CDKAL1: variants seen among roughly 807,000 people sequenced by gnomAD.
CDKAL1 encodes the protein threonylcarbamoyladenosine tRNA methylthiotransferase.
Under a neutral mutation model 68.2 loss-of-function variants are expected in CDKAL1, and 32 were observed. That is an observed-to-expected ratio of 0.47 (90% confidence interval 0.35 to 0.63). The LOEUF (loss-of-function observed/expected upper bound fraction) is 0.63, where lower values mean the gene tolerates loss of function less well. Ranked by LOEUF, CDKAL1 falls within the 30% of genes least tolerant of loss-of-function variation. The probability of loss-of-function intolerance (pLI) is 0.00; values close to 1 mark genes in which losing one functional copy is unlikely to be tolerated. For missense variants in CDKAL1, 606 were observed against 696.7 expected, an observed-to-expected ratio of 0.87 and a Z score of 1.47; for synonymous variants, 234 against 244.3, an observed-to-expected ratio of 0.96 and a Z score of 0.39.
At chr6:20,905,655 G>A (rs765481688) in intron 9 of CDKAL1, among the ~76,000 whole-genome samples, 9 of 151,838 alleles carry the variant, frequency 5.9e-5, no homozygotes, top group East Asian at 1.9e-4. Context: ...TCAAACTGTC[G>A]AAACAAAAAA....
At chr6:20,758,672 G>T in intron 7 of CDKAL1, 29 bp downstream of exon 7, 1 of 1,565,786 alleles carries the variant, frequency 6.4e-7, no homozygotes, top group Non-Finnish European at 8.7e-7. Flanking sequence ...ATAAACAGAT[G>T]TATATATTTT....
chr6:20,606,300 TGTTA>T (rs1337190554), intron 4 of CDKAL1, among the ~76,000 whole-genome samples: 9 of 152,196 alleles, frequency 5.9e-5, no homozygotes, highest in African/African-American at 1.7e-4. Context: ...GAGAGCCTGT[TGTTA>T]GTTATTTAGA....
chr6:21,042,093 C>A (rs1479039154), intron 11 of CDKAL1, among the ~76,000 whole-genome samples: 1 of 151,994 alleles, frequency 6.6e-6, no homozygotes, highest in East Asian at 1.9e-4. Flanking sequence ...CTATTTTTAT[C>A]CCTTTAAATG....
rs991095029 is a variant in CDKAL1, at chr6:20,631,935, G to A, written c.287-17358G>A. Among the ~76,000 whole-genome samples, 8 of 152,254 alleles carry A rather than the reference G, an allele frequency of 5.3e-5. No homozygotes were observed. The East Asian group carries it at 1.4e-3, about 26-fold the overall frequency. On this transcript the variant is annotated intron_variant, in intron 4 of 15. Transcript: ENST00000274695. ...AAATATAGCAACTGTAAACATTTTG[G>A]TGCATTTTCTTTTATTTTTTCTTTT...
intron 9 of CDKAL1, among the ~76,000 whole-genome samples, chr6:20,933,147 T>C (rs1763546801): frequency 1.3e-5 from 2 of 152,170 alleles, no homozygotes; most frequent in African/African-American, 2.4e-5. Context: ...CCATTAGCAG[T>C]GTAGCATGAA....
At chr6:21,157,605 G>A (rs140822558) in intron 13 of CDKAL1, among the ~76,000 whole-genome samples, 23 of 152,272 alleles carry the variant, frequency 1.5e-4, no homozygotes, top group African/African-American at 4.8e-4. Flanking sequence ...AAATCTTCAC[G>A]AATGAAAGCA....
chr6:20,995,464 G>A (rs1191305036), intron 10 of CDKAL1, among the ~76,000 whole-genome samples: 1 of 152,222 alleles, frequency 6.6e-6, no homozygotes, highest in African/African-American at 2.4e-5. Context: ...ACTGCAGAAT[G>A]GATGTTGTGT....
At chr6:20,810,613 TGTGTGTATGTATGG>T (rs1330207189) in intron 8 of CDKAL1, among the ~76,000 whole-genome samples, 1 of 130,480 alleles carries the variant, frequency 7.7e-6, no homozygotes. Flanking sequence ...AAAAAGATTA[TGTGTGTATGTATGG>T]GTGTGTGTGT....
chr6:20,830,399 G>A (rs183112942), intron 8 of CDKAL1, among the ~76,000 whole-genome samples: 21 of 152,224 alleles, frequency 1.4e-4, no homozygotes, highest in African/African-American at 5.1e-4. Flanking sequence ...AGTAACATGA[G>A]ATACTATTCA....
At chr6:20,802,586 A>G (rs1355994257) in intron 8 of CDKAL1, among the ~76,000 whole-genome samples, 1 of 152,176 alleles carries the variant, frequency 6.6e-6, no homozygotes, top group Non-Finnish European at 1.5e-5. Flanking sequence ...ACACACATAT[A>G]TAAGAACATA....
chr6:20,711,019 TAACCACTGCTTTCCTGGG>T (rs1771819446), intron 5 of CDKAL1, among the ~76,000 whole-genome samples: 2 of 152,202 alleles, frequency 1.3e-5, no homozygotes, highest in Admixed American at 1.3e-4. Context: ...TCATTGATTG[TAACCACTGCTTTCCTGGG>T]AATTGAGCGA....
Position 20,798,123 on chromosome 6 carries a change from T to C in CDKAL1, c.638+16858T>C, listed in dbSNP as rs76503243. On this transcript the variant is annotated intron_variant, in intron 8 of 15. Transcript: ENST00000274695. ...GTAAGCCACCTCACCTGCCCTATAT[T>C]ATTTATTTATATGACATTTTCAAAA... 2.6e-3 allele frequency among the ~76,000 whole-genome samples: 402 copies of C among 152,046 alleles called. 4 individuals carry two copies. The highest frequency in any genetic ancestry group is 9.1e-3 in the African/African-American group (379 of 41,466).
intron 9 of CDKAL1, among the ~76,000 whole-genome samples, chr6:20,913,631 A>C (rs139832146): frequency 0.011 from 1,673 of 152,268 alleles, 23 homozygotes; most frequent in Non-Finnish European, 0.011. Context: ...TGCCCAACTG[A>C]TTGAAATTTC....
At chr6:20,610,071 C>T (rs988628710) in intron 4 of CDKAL1, among the ~76,000 whole-genome samples, 14 of 152,104 alleles carry the variant, frequency 9.2e-5, no homozygotes, top group African/African-American at 2.4e-4. Context: ...AGGATAATGG[C>T]CTCCATCTCC....
chr6:20,879,080 T>C (rs922486589), intron 9 of CDKAL1, among the ~76,000 whole-genome samples: 1 of 151,232 alleles, frequency 6.6e-6, no homozygotes, highest in Non-Finnish European at 1.5e-5. Context: ...TTCTATCTCA[T>C]TAAAAAAAAA....
chr6:20,990,002 G>A (rs1766706505), intron 10 of CDKAL1, among the ~76,000 whole-genome samples: 1 of 152,100 alleles, frequency 6.6e-6, no homozygotes, highest in Non-Finnish European at 1.5e-5. Flanking sequence ...TAGCACTTTG[G>A]GAGGCTGAGA....
intron 13 of CDKAL1, among the ~76,000 whole-genome samples, chr6:21,127,310 C>G (rs1775063861): frequency 6.6e-6 from 1 of 152,114 alleles, no homozygotes; most frequent in African/African-American, 2.4e-5. Flanking sequence ...AAAAAGTGTT[C>G]CATCAACATT....
intron 10 of CDKAL1, among the ~76,000 whole-genome samples, chr6:20,963,474 G>A (rs1765155679): frequency 6.6e-6 from 1 of 152,058 alleles, no homozygotes; most frequent in South Asian, 2.1e-4. Flanking sequence ...AAAATTTACC[G>A]AGCTTGTTGC....
chr6:20,591,403 G>C (rs1300360056), intron 4 of CDKAL1, among the ~76,000 whole-genome samples: 1 of 152,112 alleles, frequency 6.6e-6, no homozygotes, highest in Non-Finnish European at 1.5e-5. Flanking sequence ...ATTGCTTTTG[G>C]TGTTTTAGTC....
Sources: allele counts gnomAD v4.1 joint callset (sites outside exome capture counted in the v4.1 genomes callset), GRCh38; gene constraint gnomAD v4.1.1; transcripts MANE v1.5; gene names NCBI Gene and HGNC (gene_info 2026-07-23, HGNC 2026-07-21).